Variants in ITGA2 observed in about 807,000 individuals in gnomAD.
The protein encoded by ITGA2 is integrin subunit alpha 2.
A neutral mutation model predicts 146.3 loss-of-function variants in ITGA2; 101 were observed. That is an observed-to-expected ratio of 0.69 (90% confidence interval 0.59 to 0.81). ITGA2 has a LOEUF of 0.81. Ranked by LOEUF, ITGA2 falls within the 40% of genes least tolerant of loss-of-function variation. ITGA2 has a pLI of 0.00. For missense variants in ITGA2, 1,281 were observed against 1,402.7 expected, an observed-to-expected ratio of 0.91 and a Z score of 1.39; for synonymous variants, 477 against 487.1, an observed-to-expected ratio of 0.98 and a Z score of 0.27.
At position 53,058,693 on chromosome 5, in the gene ITGA2, A is replaced by G. The variant is rs144903582; in HGVS notation, c.1173+592A>G. Reference sequence around the variant, plus strand: ...AGTGAAAGGAGGCGAAAAAAAAAAGAAAGAGATCCTGGGAATTATTTAAGG... The same window carrying G: ...AGTGAAAGGAGGCGAAAAAAAAAAGGAAGAGATCCTGGGAATTATTTAAGG... On this transcript the variant is annotated intron_variant, in intron 10 of 29. Transcript: ENST00000296585. Among the ~76,000 whole-genome samples the G allele has an allele frequency of 9.7e-4, 147 of 151,898 alleles. 1 individual carries two copies. Among genetic ancestry groups the G allele is most frequent in the African/African-American group, 3.4e-3 (141 of 41,456 alleles).
chr5:53,087,535 T>C (rs545545035), intron 28 of ITGA2, among the ~76,000 whole-genome samples: 1 of 151,616 alleles, frequency 6.6e-6, no homozygotes, highest in Admixed American at 6.6e-5. Flanking sequence ...TTTTAAAAAA[T>C]AGTTCTCCTT....
intron 27 of ITGA2, among the ~76,000 whole-genome samples, chr5:53,085,921 T>C (rs1338690920): frequency 6.6e-6 from 1 of 152,168 alleles, no homozygotes; most frequent in African/African-American, 2.4e-5. Context: ...ACTTTTTTTT[T>C]TCCCCCAGAC....
intron 1 of ITGA2, among the ~76,000 whole-genome samples, chr5:53,017,959 G>C (rs898294973): frequency 6.6e-6 from 1 of 152,054 alleles, no homozygotes; most frequent in African/African-American, 2.4e-5. Context: ...ATTATGCATC[G>C]GTAGGGGCTG....
chr5:53,024,608 G>T (rs1742852028), intron 1 of ITGA2, among the ~76,000 whole-genome samples: 1 of 152,196 alleles, frequency 6.6e-6, no homozygotes, highest in South Asian at 2.1e-4. Context: ...ATGAAGAAGG[G>T]TGCTGCTGCT....
At chr5:53,087,391 C>CT (rs1286768603) in intron 28 of ITGA2, among the ~76,000 whole-genome samples, 2 of 152,164 alleles carry the variant, frequency 1.3e-5, no homozygotes, top group African/African-American at 4.8e-5. Context: ...CTTTCTCCTC[C>CT]TGCTTACACA....
At chr5:53,016,301 A>G (rs1461001153) in intron 1 of ITGA2, among the ~76,000 whole-genome samples, 1 of 152,120 alleles carries the variant, frequency 6.6e-6, no homozygotes, top group Non-Finnish European at 1.5e-5. Context: ...TTCCCTTAGC[A>G]TTTGCTTATC....
chr5:53,020,686 AT>A (rs958853830), intron 1 of ITGA2, among the ~76,000 whole-genome samples: 14 of 146,180 alleles, frequency 9.6e-5, no homozygotes, highest in South Asian at 2.1e-4. Flanking sequence ...TATTATTATT[AT>A]TTTTTTTTTG....
At chr5:53,050,079 C>T (rs1392709361) in intron 6 of ITGA2, among the ~76,000 whole-genome samples, 2 of 152,170 alleles carry the variant, frequency 1.3e-5, no homozygotes, top group Non-Finnish European at 2.9e-5. Flanking sequence ...CCAGAAAGCA[C>T]CACTCTTAAA....
intron 24 of ITGA2, 79 bp from the exon 25 acceptor site, chr5:53,080,432 T>G: frequency 8.9e-7 from 1 of 1,129,382 alleles, no homozygotes; most frequent in South Asian, 1.2e-5. Flanking sequence ...TTGCCCTTCA[T>G]CAACACGGGG....
chr5:53,032,259 A>G (rs1044115794), intron 2 of ITGA2, among the ~76,000 whole-genome samples: 7 of 152,224 alleles, frequency 4.6e-5, no homozygotes, highest in Non-Finnish European at 7.3e-5. Flanking sequence ...TGTTATGAAT[A>G]TAGCATTGTC....
At chr5:53,044,733 A>G (rs1443182457) in intron 3 of ITGA2, among the ~76,000 whole-genome samples, 1 of 152,188 alleles carries the variant, frequency 6.6e-6, no homozygotes, top group Non-Finnish European at 1.5e-5. Context: ...TATTGTAAAA[A>G]AAATCATAAT....
intron 11 of ITGA2, among the ~76,000 whole-genome samples, chr5:53,060,579 C>T (rs1744857321): frequency 6.6e-6 from 1 of 151,866 alleles, no homozygotes; most frequent in Non-Finnish European, 1.5e-5. Context: ...TGCAACACTA[C>T]CTTTTAAATA....
chr5:53,028,246 A>G (rs1377672962), intron 2 of ITGA2, among the ~76,000 whole-genome samples: 1 of 152,194 alleles, frequency 6.6e-6, no homozygotes, highest in Non-Finnish European at 1.5e-5. Flanking sequence ...ATCCCCTGAG[A>G]GGGCAGCATT....
rs1226601415 is a variant in ITGA2, at chr5:53,083,329, A to T, written c.3145-11A>T. The T allele has an allele frequency of 1.3e-6, 2 of 1,532,524 alleles. No individual in the cohort carries two copies. The highest frequency in any genetic ancestry group is 2.7e-5 in the African/African-American group (2 of 73,414). The allele number at this position is 1,532,524 out of a possible 1,614,324, so 94.9% of individuals were successfully genotyped here. On this transcript the variant is annotated splice_polypyrimidine_tract_variant and intron_variant, in intron 26 of 29. Coordinates refer to ENST00000296585, the MANE Select transcript of ITGA2 (RefSeq NM_002203.4). ...TTGCTCTCTCTTTTACCTTTGACTC[A>T]ATACTATAAGAACTGCAGAACTGCT... is the stretch of plus-strand genomic sequence containing the variant.
chr5:53,036,252 A>G lies in ITGA2; in HGVS notation c.186-5860A>G, dbSNP rs553977031. 3.2e-4 allele frequency among the ~76,000 whole-genome samples: 49 copies of G among 152,276 alleles called. No individual in the cohort carries two copies. The South Asian group carries it at 0.01, about 32-fold the overall frequency. ...CTTTACATGACTCACCTGTGCTTCA[A>G]TACAATGATTCCCAACAGTGTGGCC... is the stretch of plus-strand genomic sequence containing the variant. On this transcript the variant is annotated intron_variant, in intron 2 of 29. Coordinates refer to ENST00000296585, the MANE Select transcript of ITGA2 (RefSeq NM_002203.4).
At chr5:53,010,562 T>C (rs1043889119) in intron 1 of ITGA2, among the ~76,000 whole-genome samples, 1 of 152,180 alleles carries the variant, frequency 6.6e-6, no homozygotes, top group Non-Finnish European at 1.5e-5. Flanking sequence ...GGACAGATCA[T>C]GCCTGGCATC....
intron 7 of ITGA2, among the ~76,000 whole-genome samples, chr5:53,054,557 T>G (rs2910965): frequency 0.48 from 72,368 of 151,888 alleles, 17,282 homozygotes; most frequent in Middle Eastern, 0.52. Flanking sequence ...ACTCAAAATG[T>G]CCTAAGCATC....
At position 53,090,593 on chromosome 5, in the gene ITGA2, T is replaced by C. The variant is rs781112015; in HGVS notation, c.3540T>C (p.Ser1180=). The C allele has an allele frequency of 1.2e-5, 19 of 1,613,626 alleles. No individual in the cohort carries two copies. The Middle Eastern group carries it at 6.6e-4, about 56-fold the overall frequency. The change falls in exon 30 of 30, where the codon AGT becomes AGC. Residue 1180 remains serine (S), a synonymous_variant. Coordinates refer to ENST00000296585, the MANE Select transcript of ITGA2 (RefSeq NM_002203.4). The part of the protein sequence containing the change: ...PDEIDETTEL[S]S ...AGATTGATGAGACCACAGAGCTCAGTAGCTGAACCAGCAGACCTACCTGCA... is the reference window on the plus strand; with the variant it reads ...AGATTGATGAGACCACAGAGCTCAGCAGCTGAACCAGCAGACCTACCTGCA...
chr5:52,998,618 C>T (rs1013059104), intron 1 of ITGA2, among the ~76,000 whole-genome samples: 1 of 152,146 alleles, frequency 6.6e-6, no homozygotes. Flanking sequence ...CCCTAGGAAC[C>T]CTGCCAATCT....
Sources: gnomAD v4.1 joint callset for allele counts (sites outside exome capture counted in the v4.1 genomes callset) on GRCh38, gnomAD v4.1.1 for gene constraint, MANE v1.5 for transcripts, NCBI Gene and HGNC (gene_info 2026-07-23, HGNC 2026-07-21) for gene names.